RERE: variants seen among roughly 807,000 people sequenced by gnomAD.
The protein encoded by RERE is arginine-glutamic acid dipeptide repeats protein.
In RERE, 40 loss-of-function variants were observed where a neutral mutation model predicts 146.1. The ratio of observed to expected loss-of-function variants is 0.27; its 90% CI spans 0.21 to 0.36. The LOEUF (loss-of-function observed/expected upper bound fraction) is 0.36, where lower values mean the gene tolerates loss of function less well. Among genes scored for constraint, RERE ranks in the 10% least tolerant of loss-of-function variants. The pLI, the probability that RERE is intolerant of heterozygous loss-of-function variation, is 1.00. For missense variants in RERE, 1,933 were observed against 2,138.7 expected (o/e 0.90, Z 1.90); for synonymous variants, 1,003 against 866.0 (o/e 1.16, Z -2.78).
rs187677652 is a variant in RERE at position 8,745,850 on chromosome 1, G to C, written c.-145+71310C>G. ...TTTGGGAGGCTGTGGTAGGAGAATCGCTTGAGCCCAGGAATTCAAGACCAG... is the reference window on the plus strand; with the variant it reads ...TTTGGGAGGCTGTGGTAGGAGAATCCCTTGAGCCCAGGAATTCAAGACCAG... On this transcript the variant is annotated intron_variant, in intron 1 of 22. Coordinates refer to ENST00000400908, the MANE Select transcript of RERE (RefSeq NM_001042681.2). 6.6e-5 allele frequency among the ~76,000 whole-genome samples: 10 copies of C among 152,280 alleles called. No homozygotes were observed. The East Asian group carries it at 1.9e-3, about 29-fold the overall frequency.
intron 11 of RERE, among the ~76,000 whole-genome samples, chr1:8,439,135 T>G (rs1366393486): frequency 6.6e-6 from 1 of 152,224 alleles, no homozygotes; most frequent in Non-Finnish European, 1.5e-5. Flanking sequence ...CGCTGACAGA[T>G]AGCCAAGTGG....
In RERE at chr1:8,508,706, C is replaced by T. The variant is rs377242968; in HGVS notation, c.831-31G>A. 3.8e-5 allele frequency: 59 copies of T among 1,564,672 alleles called. No individual in the cohort carries two copies. The Middle Eastern group carries it at 8.4e-4, about 22-fold the overall frequency. ...ACAGAAATAGAGCAGATTAAGTTAG[C>T]GCAATACAGTTTTGACATAAACATT... On this transcript the variant is annotated intron_variant, in intron 7 of 22. Coordinates refer to ENST00000400908, the MANE Select transcript of RERE (RefSeq NM_001042681.2).
intron 11 of RERE, among the ~76,000 whole-genome samples, chr1:8,457,836 C>T (rs1644470904): frequency 6.6e-6 from 1 of 152,056 alleles, no homozygotes; most frequent in Admixed American, 6.6e-5. Flanking sequence ...CCTGACCTCA[C>T]TTGATCTCCC....
At chr1:8,798,675 G>A (rs1350997672) in intron 1 of RERE, 1 of 200,712 alleles carries the variant, frequency 5.0e-6, no homozygotes, top group African/African-American at 2.4e-5. Context: ...ATGAAGAAGA[G>A]TCAAAGATCA....
At chr1:8,386,015 TATATATA>T (rs1464238075) in intron 12 of RERE, among the ~76,000 whole-genome samples, 10 of 41,214 alleles carry the variant, frequency 2.4e-4, no homozygotes, top group Admixed American at 3.0e-4. Flanking sequence ...TATATATATA[TATATATA>T]TTTTTTTTTT....
intron 10 of RERE, among the ~76,000 whole-genome samples, chr1:8,494,713 A>C (rs897242472): frequency 6.6e-6 from 1 of 152,226 alleles, no homozygotes; most frequent in African/African-American, 2.4e-5. Flanking sequence ...TCTCAAAAAA[A>C]TAAAAAATAA....
At chr1:8,732,230 C>T (rs954735348) in intron 1 of RERE, among the ~76,000 whole-genome samples, 1 of 152,200 alleles carries the variant, frequency 6.6e-6, no homozygotes, top group East Asian at 1.9e-4. Flanking sequence ...TATTCATAAT[C>T]AGAGACAGAA....
chr1:8,557,900 T>A (rs979384435), intron 4 of RERE, among the ~76,000 whole-genome samples: 11 of 152,336 alleles, frequency 7.2e-5, no homozygotes, highest in South Asian at 2.1e-4. Flanking sequence ...GGTAAATATT[T>A]AGAGTCAGTG....
At chr1:8,537,742 ACAGT>A (rs1645745913) in intron 7 of RERE, among the ~76,000 whole-genome samples, 1 of 152,234 alleles carries the variant, frequency 6.6e-6, no homozygotes, top group Admixed American at 6.5e-5. Context: ...AGAGTACAGA[ACAGT>A]CAGTCAGTTT....
rs143132816 is a variant in RERE at position 8,378,996 on chromosome 1, C to T, written c.1285-13022G>A. On this transcript the variant is annotated intron_variant, in intron 12 of 22. Coordinates refer to ENST00000400908, the MANE Select transcript of RERE (RefSeq NM_001042681.2). ...TTTTCTACTTTAAGTGGGGCCAAACCTCGCAGCTTATCCTAGCAGCTCTAA... is the reference window on the plus strand; with the variant it reads ...TTTTCTACTTTAAGTGGGGCCAAACTTCGCAGCTTATCCTAGCAGCTCTAA... Among the ~76,000 whole-genome samples the T allele has an allele frequency of 2.6e-5, 4 of 152,294 alleles. No individual in the cohort carries two copies. The East Asian group carries it at 7.7e-4, about 29-fold the overall frequency.
chr1:8,459,694 A>G (rs1045130945), intron 11 of RERE, among the ~76,000 whole-genome samples: 21 of 152,298 alleles, frequency 1.4e-4, no homozygotes, highest in African/African-American at 4.6e-4. Context: ...AGCAAATGAG[A>G]CGATGAAGCC....
intron 1 of RERE, among the ~76,000 whole-genome samples, chr1:8,805,007 G>GTTTTTTTTTTTTTTTTTTTTTTTTTTT: frequency 1.6e-5 from 1 of 61,362 alleles, no homozygotes; most frequent in Non-Finnish European, 3.1e-5. Flanking sequence ...TTTTGTTTTT[G>GTTTTTTTTTTTTTTTTTTTTTTTTTTT]GTTTTTTTTT....
intron 1 of RERE, among the ~76,000 whole-genome samples, chr1:8,757,911 T>TACACACACAAACACAC (rs1553145851): frequency 1.3e-3 from 38 of 30,170 alleles, no homozygotes; most frequent in African/African-American, 3.4e-3. Flanking sequence ...CACACATACA[T>TACACACACAAACACAC]ACACACACAC....
intron 1 of RERE, among the ~76,000 whole-genome samples, chr1:8,691,945 T>C (rs1310891971): frequency 6.6e-6 from 1 of 152,214 alleles, no homozygotes; most frequent in African/African-American, 2.4e-5. Flanking sequence ...CTGCAATTAT[T>C]ACTGGATATA....
chr1:8,503,095 T>TA (rs1557662572), intron 8 of RERE, among the ~76,000 whole-genome samples: 6 of 138,044 alleles, frequency 4.3e-5, no homozygotes, highest in African/African-American at 1.8e-4. Flanking sequence ...TAAAAATAAA[T>TA]AAATAAATAA....
chr1:8,607,522 T>TTA (rs1274537900), intron 4 of RERE, among the ~76,000 whole-genome samples: 12 of 145,550 alleles, frequency 8.2e-5, no homozygotes, highest in Non-Finnish European at 1.5e-4. Context: ...ATATTTGTTT[T>TTA]TATATATATT....
chr1:8,703,819 A>G (rs188769933), intron 1 of RERE, among the ~76,000 whole-genome samples: 2 of 152,342 alleles, frequency 1.3e-5, no homozygotes, highest in East Asian at 1.9e-4. Flanking sequence ...AATCACAGAC[A>G]AGCTAAACAT....
intron 5 of RERE, 38 bp downstream of exon 5, chr1:8,557,380 T>C (rs1249441900): frequency 2.2e-6 from 3 of 1,350,210 alleles, no homozygotes; most frequent in South Asian, 1.2e-5. Context: ...TGCCCAAAGC[T>C]AAGAAACACA....
At chr1:8,707,016 A>G (rs888826848) in intron 1 of RERE, among the ~76,000 whole-genome samples, 1 of 152,230 alleles carries the variant, frequency 6.6e-6, no homozygotes, top group Non-Finnish European at 1.5e-5. Flanking sequence ...TCAGCATTCC[A>G]CAAGGGATTC....
Sources: gnomAD v4.1 joint callset for allele counts (sites outside exome capture counted in the v4.1 genomes callset) on GRCh38, gnomAD v4.1.1 for gene constraint, MANE v1.5 for transcripts, NCBI Gene and HGNC (gene_info 2026-07-23, HGNC 2026-07-21) for gene names.